LY96: variants seen among roughly 807,000 people sequenced by gnomAD.
LY96 encodes myeloid differentiation protein-2.
In LY96, 18 loss-of-function variants were observed where a neutral mutation model predicts 18.9. That is an observed-to-expected ratio of 0.95 (90% CI 0.66 to 1.41). The LOEUF is 1.41. Among genes scored for constraint, LY96 ranks in the 40% most tolerant of loss-of-function variants. LY96 has a pLI of 0.00. For synonymous variants in LY96, 66 were observed against 62.6 expected, an observed-to-expected ratio of 1.06 and a Z score of -0.26; for missense variants, 175 against 182.4, an observed-to-expected ratio of 0.96 and a Z score of 0.23.
chr8:74,058,749 A>C, the LY96 span, among the ~76,000 whole-genome samples: 11 of 152,034 alleles, frequency 7.2e-5, no homozygotes, highest in South Asian at 2.3e-3. Context: ...TGAACTCCTG[A>C]CCTCAGGAGA....
the LY96 span, among the ~76,000 whole-genome samples, chr8:74,044,525 G>A: frequency 6.6e-6 from 1 of 151,962 alleles, no homozygotes; most frequent in Admixed American, 6.6e-5. Context: ...TTAGCCAGAG[G>A]GGCTGTAAAA....
At chr8:73,997,478 A>T (rs142914228) in intron 1 of LY96, among the ~76,000 whole-genome samples, 147 of 152,330 alleles carry the variant, frequency 9.7e-4, no homozygotes, top group African/African-American at 3.3e-3. Context: ...TAAGTTAGAT[A>T]ATGTGACCCC....
At chr8:74,068,077 A>ATATATATATATATAT in the LY96 span, among the ~76,000 whole-genome samples, 1 of 98,490 alleles carries the variant, frequency 1.0e-5, no homozygotes, top group African/African-American at 6.2e-5. Flanking sequence ...AAAAAAAAAA[A>ATATATATATATATAT]AAAAAAAAAA....
chr8:74,049,121 T>C, the LY96 span, among the ~76,000 whole-genome samples: 14 of 152,302 alleles, frequency 9.2e-5, no homozygotes, highest in African/African-American at 3.1e-4. Flanking sequence ...TCTACCCCAC[T>C]AGACTGTATC....
the LY96 span, among the ~76,000 whole-genome samples, chr8:74,094,582 G>A: frequency 6.6e-6 from 1 of 152,152 alleles, no homozygotes; most frequent in South Asian, 2.1e-4. Flanking sequence ...TAGAGTAGCA[G>A]CATCTGAAAT....
At chr8:74,061,518 T>C in the LY96 span, among the ~76,000 whole-genome samples, 5 of 152,216 alleles carry the variant, frequency 3.3e-5, no homozygotes, top group Non-Finnish European at 5.9e-5. Flanking sequence ...GTACAAAGTT[T>C]CAGTTAGACA....
intron 3 of LY96, among the ~76,000 whole-genome samples, chr8:74,022,713 G>C (rs1280306550): frequency 2.0e-5 from 3 of 151,596 alleles, no homozygotes; most frequent in Non-Finnish European, 2.9e-5. Context: ...CCAGTAGCTG[G>C]GATTATAGGT....
At chr8:74,044,954 C>T in the LY96 span, among the ~76,000 whole-genome samples, 3 of 152,232 alleles carry the variant, frequency 2.0e-5, no homozygotes, top group African/African-American at 7.2e-5. Flanking sequence ...ATTTTTGACT[C>T]ACATTATACA....
chr8:74,080,570 T>C, the LY96 span, among the ~76,000 whole-genome samples: 1 of 152,226 alleles, frequency 6.6e-6, no homozygotes, highest in East Asian at 1.9e-4. Context: ...ACACTGTCCA[T>C]ATGATACACT....
At chr8:74,064,149 A>G in the LY96 span, among the ~76,000 whole-genome samples, 1 of 152,234 alleles carries the variant, frequency 6.6e-6, no homozygotes, top group Non-Finnish European at 1.5e-5. Flanking sequence ...AATATAAAAC[A>G]AAAACCAAAA....
At chr8:74,037,659 A>G in the LY96 span, among the ~76,000 whole-genome samples, 2 of 152,164 alleles carry the variant, frequency 1.3e-5, no homozygotes, top group Non-Finnish European at 2.9e-5. Flanking sequence ...ATAATTTTTA[A>G]AAATTAAAAA....
chr8:74,095,604 G>A, the LY96 span, among the ~76,000 whole-genome samples: 3 of 152,144 alleles, frequency 2.0e-5, no homozygotes, highest in Admixed American at 6.6e-5. Flanking sequence ...AGCAGCAGCC[G>A]ACACAGTCGC....
chr8:74,004,267 C>T (rs1046532960), intron 1 of LY96, among the ~76,000 whole-genome samples: 2 of 152,160 alleles, frequency 1.3e-5, no homozygotes, highest in African/African-American at 2.4e-5. Context: ...CCTTTATTCT[C>T]CCCTGGGTGG....
At chr8:74,039,105 T>A in the LY96 span, among the ~76,000 whole-genome samples, 1 of 152,224 alleles carries the variant, frequency 6.6e-6, no homozygotes, top group East Asian at 1.9e-4. Context: ...TAGTTTTGAT[T>A]TGCATTTCTC....
intron 3 of LY96, among the ~76,000 whole-genome samples, chr8:74,010,602 C>T (rs1046665740): frequency 2.0e-5 from 3 of 151,920 alleles, no homozygotes; most frequent in African/African-American, 7.2e-5. Flanking sequence ...CTTTCTTGGC[C>T]TCATTTTCCT....
chr8:74,038,023 T>C, the LY96 span, among the ~76,000 whole-genome samples: 986 of 152,272 alleles, frequency 6.5e-3, 7 homozygotes, highest in African/African-American at 0.023. Context: ...TTAATTCTTA[T>C]GGGTACATAG....
chr8:74,038,821 A>G, the LY96 span, among the ~76,000 whole-genome samples: 1 of 152,242 alleles, frequency 6.6e-6, no homozygotes, highest in Non-Finnish European at 1.5e-5. Context: ...GCTGCAATAA[A>G]CATGGGCATG....
intron 1 of LY96, among the ~76,000 whole-genome samples, chr8:73,997,858 C>G (rs1816182940): frequency 1.3e-5 from 2 of 152,174 alleles, no homozygotes; most frequent in Admixed American, 1.3e-4. Flanking sequence ...AGGTAAGGTG[C>G]AGGATAAGGG....
At chr8:74,072,385 G>C in the LY96 span, among the ~76,000 whole-genome samples, 43 of 152,110 alleles carry the variant, frequency 2.8e-4, no homozygotes, top group African/African-American at 9.9e-4. Flanking sequence ...TCTGTGAAAG[G>C]CTTGCTCTTT....
Sources: gnomAD v4.1 joint callset for allele counts (sites outside exome capture counted in the v4.1 genomes callset) on GRCh38, gnomAD v4.1.1 for gene constraint, MANE v1.5 for transcripts, NCBI Gene and HGNC (gene_info 2026-07-23, HGNC 2026-07-21) for gene names.